STXBP5: variants seen among roughly 807,000 people sequenced by gnomAD.
The protein encoded by STXBP5 is syntaxin-binding protein 5.
In STXBP5, 50 loss-of-function variants were observed where a neutral mutation model predicts 152.4. The observed-to-expected ratio is 0.33, with a 90% CI of 0.26 to 0.42. The LOEUF is 0.42. STXBP5 is among the 10% of genes least tolerant of loss of function. The probability of loss-of-function intolerance (pLI) is 1.00; values close to 1 mark genes in which losing one functional copy is unlikely to be tolerated. For missense variants in STXBP5, 1,167 were observed against 1,388.6 expected (o/e 0.84, Z 2.54); for synonymous variants, 492 against 494.7 (o/e 0.99, Z 0.07).
chr6:147,386,562 C>A lies in STXBP5; in HGVS notation c.*1807C>A, dbSNP rs1309464209. On this transcript the variant is annotated 3_prime_UTR_variant, in exon 28 of 28. Transcript: ENST00000321680. ...CCAAAAGAAATATTTTTTAAATAAG[C>A]CCTTTTCAAAAGTTTTTGAATTTAT... 2 of 151,596 alleles carry A rather than the reference C, an allele frequency of 1.3e-5. No homozygotes were observed. Among genetic ancestry groups the A allele is most frequent in the African/African-American group, 2.4e-5 (1 of 41,334 alleles). The allele number at this position is 151,596 out of a possible 1,614,324, so 9.4% of individuals were successfully genotyped here. A position where few individuals can be genotyped will look rare whatever the true frequency, so the allele number is the denominator to read the frequency against.
intron 21 of STXBP5, among the ~76,000 whole-genome samples, chr6:147,340,285 A>T (rs1784031372): frequency 6.6e-6 from 1 of 152,104 alleles, no homozygotes; most frequent in Admixed American, 6.5e-5. Context: ...TCTTAGAAGT[A>T]ACATCCATGT....
rs760248876 is a variant in STXBP5, at chr6:147,382,864, G to A, written c.3280G>A (p.Ala1094Thr). The change falls in exon 27 of 28, where the codon GCA becomes ACA. Residue 1094 changes from alanine to threonine, a missense_variant. By Grantham distance (58) the Ala-to-Thr change is moderately conservative (BLOSUM62 0). Coordinates refer to ENST00000321680, the MANE Select transcript of STXBP5 (RefSeq NM_001127715.4). ...TGGCATTGAAGGCGTAAAAGGGGCA[G>A]CATCTGGAGTTGTTGGTGAATTAGC... ...PGGIEGVKGA[A>T]SGVVGELARA... 25 of 1,613,434 alleles carry A rather than the reference G, an allele frequency of 1.5e-5. No homozygotes were observed. Among genetic ancestry groups the A allele is most frequent in the East Asian group, 2.2e-5 (1 of 44,856 alleles).
chr6:147,356,112 TA>T (rs1784804607), intron 22 of STXBP5, among the ~76,000 whole-genome samples: 1 of 152,150 alleles, frequency 6.6e-6, no homozygotes, highest in African/African-American at 2.4e-5. Flanking sequence ...AATTATGTAA[TA>T]AAAATGCAAT....
At chr6:147,330,362 A>G (rs1016946632) in intron 18 of STXBP5, among the ~76,000 whole-genome samples, 2 of 152,150 alleles carry the variant, frequency 1.3e-5, no homozygotes, top group African/African-American at 4.8e-5. Context: ...CTACATTAAG[A>G]AGAATCGTTT....
At chr6:147,382,672 G>T (rs1786146290) in intron 26 of STXBP5, 106 bp from the exon 27 acceptor site, 8 of 1,106,778 alleles carry the variant, frequency 7.2e-6, no homozygotes, top group Non-Finnish European at 1.1e-5. Context: ...TTTTATTTCA[G>T]TTGTATTACC....
intron 18 of STXBP5, chr6:147,328,804 A>C: frequency 2.1e-6 from 1 of 465,888 alleles, no homozygotes. Context: ...ATGCCTTGGC[A>C]TGTTTGTTCT....
At chr6:147,229,006 T>A (rs1354292451) in intron 2 of STXBP5, among the ~76,000 whole-genome samples, 2 of 152,122 alleles carry the variant, frequency 1.3e-5, no homozygotes, top group Non-Finnish European at 2.9e-5. Flanking sequence ...GTTTCTCATC[T>A]GTTAAATACG....
chr6:147,308,005 AAC>A (rs1405076353), intron 9 of STXBP5, among the ~76,000 whole-genome samples: 2 of 152,156 alleles, frequency 1.3e-5, no homozygotes, highest in Non-Finnish European at 1.5e-5. Context: ...TGGCATTAAT[AAC>A]ACAGTTTAAA....
chr6:147,265,557 T>G (rs1779850448), intron 6 of STXBP5, among the ~76,000 whole-genome samples: 1 of 151,960 alleles, frequency 6.6e-6, no homozygotes, highest in Non-Finnish European at 1.5e-5. Flanking sequence ...AACACTGAAT[T>G]TAGACTTAAA....
chr6:147,240,162 G>A lies in STXBP5; in HGVS notation c.431+892G>A, dbSNP rs9497728. Among the ~76,000 whole-genome samples the A allele has an allele frequency of 7.6e-3, 1,157 of 152,022 alleles. 18 individuals are homozygous for A. The highest frequency in any genetic ancestry group is 0.026 in the African/African-American group (1,062 of 41,482). On this transcript the variant is annotated intron_variant, in intron 4 of 27. Transcript: ENST00000321680. ...TCGCCATGTTGGCCAGGCTGGTCTC[G>A]AACTCCTGACCTCAAGTGATCTGCC...
chr6:147,296,724 A>T (rs538718169), intron 9 of STXBP5, among the ~76,000 whole-genome samples: 2 of 152,324 alleles, frequency 1.3e-5, no homozygotes, highest in South Asian at 4.1e-4. Flanking sequence ...ATACAGTTAA[A>T]CAATTCAACA....
At chr6:147,296,057 A>G (rs1396470435) in intron 9 of STXBP5, among the ~76,000 whole-genome samples, 2 of 151,176 alleles carry the variant, frequency 1.3e-5, no homozygotes, top group South Asian at 2.1e-4. Context: ...ACAGCATGCT[A>G]CCCCCCAAAA....
chr6:147,235,048 T>G (rs1778200488), intron 2 of STXBP5, among the ~76,000 whole-genome samples: 1 of 152,112 alleles, frequency 6.6e-6, no homozygotes, highest in Admixed American at 6.6e-5. Flanking sequence ...ATTTGCTTGT[T>G]TTGTTTAAAC....
At position 147,262,327 on chromosome 6, in the gene STXBP5, A is replaced by G. The variant is rs1350225510; in HGVS notation, c.604A>G (p.Ser202Gly). Residue 202 changes from serine (S) to glycine (G), a missense_variant, in exon 6 of 28, where the codon AGT becomes GGT. This residue lies in a region of STXBP5 where 310 missense variants were observed against 346.1 expected (regional missense o/e 0.90). Coordinates refer to ENST00000321680, the MANE Select transcript of STXBP5 (RefSeq NM_001127715.4). ...KSHPGPVVHI[S>G]DNPMDEGKLL... Reference sequence around the variant, plus strand: ...TCACCCAGGACCTGTGGTCCATATAAGTGATAATCCAATGGACGAGGGAAA... The same window carrying G: ...TCACCCAGGACCTGTGGTCCATATAGGTGATAATCCAATGGACGAGGGAAA... 1 of 1,560,476 alleles carries G rather than the reference A, an allele frequency of 6.4e-7. No individual in the cohort carries two copies.
At chr6:147,314,409 T>A in intron 13 of STXBP5, 78 bp downstream of exon 13, 1 of 1,413,440 alleles carries the variant, frequency 7.1e-7, no homozygotes, top group Non-Finnish European at 1.0e-6. Flanking sequence ...AATGTTAACT[T>A]ACTGGACAGG....
chr6:147,350,205 G>C (rs898409028), intron 21 of STXBP5, among the ~76,000 whole-genome samples: 1 of 152,018 alleles, frequency 6.6e-6, no homozygotes, highest in Non-Finnish European at 1.5e-5. Flanking sequence ...GTTATATTTA[G>C]TATTTTTTAC....
intron 9 of STXBP5, among the ~76,000 whole-genome samples, chr6:147,294,725 G>A (rs77643940): frequency 0.021 from 3,174 of 152,186 alleles, 100 homozygotes; most frequent in African/African-American, 0.072. Context: ...GTTCATTAGT[G>A]GGTTGTGAAA....
chr6:147,325,897 T>C (rs1186582296), intron 17 of STXBP5, among the ~76,000 whole-genome samples: 1 of 152,066 alleles, frequency 6.6e-6, no homozygotes, highest in Non-Finnish European at 1.5e-5. Context: ...CAAAAAACAA[T>C]ACAACAATTA....
chr6:147,210,334 A>T (rs567301574), intron 2 of STXBP5, among the ~76,000 whole-genome samples: 3 of 152,270 alleles, frequency 2.0e-5, no homozygotes, highest in African/African-American at 7.2e-5. Flanking sequence ...TCATTTTGGG[A>T]GAGTAGCCTA....
Sources: gnomAD v4.1 joint callset for allele counts (sites outside exome capture counted in the v4.1 genomes callset) on GRCh38, gnomAD v4.1.1 for gene constraint, gnomAD v4.1.1 regional missense constraint, MANE v1.5 for transcripts, NCBI Gene and HGNC (gene_info 2026-07-23, HGNC 2026-07-21) for gene names.